The following RPTOR variants were observed in gnomAD, a reference collection of about 807,000 sequenced individuals.
RPTOR encodes regulatory associated protein of MTOR complex 1, also known as regulatory-associated protein of mTOR.
In RPTOR, 21 loss-of-function variants were observed where a neutral mutation model predicts 169.9. The ratio of observed to expected loss-of-function variants is 0.12; its 90% confidence interval spans 0.09 to 0.18. The LOEUF (loss-of-function observed/expected upper bound fraction) is 0.18. Ranked by LOEUF, RPTOR falls within the 10% of genes least tolerant of loss-of-function variation. RPTOR has a pLI of 1.00. For synonymous variants in RPTOR, 732 were observed against 753.2 expected (o/e 0.97, Z 0.46); for missense variants, 1,133 against 1,855.9 (o/e 0.61, Z 7.16).
At position 80,633,530 on chromosome 17, in the gene RPTOR, C is replaced by T. The variant is rs1024244296; in HGVS notation, c.265+7737C>T. Among the ~76,000 whole-genome samples, 12 of 152,238 alleles carry T rather than the reference C, an allele frequency of 7.9e-5. No homozygotes were observed. The highest frequency in any genetic ancestry group is 1.8e-4 in the Non-Finnish European group (12 of 68,050). ...TAATGATTCCGTTTAGGTCATGCTT[C>T]GCTGGCAGGAGCATCACGCAGAGCT... On this transcript the variant is annotated intron_variant, in intron 2 of 33. Coordinates refer to ENST00000306801, the MANE Select transcript of RPTOR (RefSeq NM_020761.3). The surrounding 1 kb of genome is among the most constrained non-coding windows in gnomAD (Gnocchi z 4.1).
Position 80,644,370 on chromosome 17 carries a change from T to A in RPTOR, c.348+560T>A, listed in dbSNP as rs1225111989. Among the ~76,000 whole-genome samples, 15 of 145,160 alleles carry A rather than the reference T, an allele frequency of 1.0e-4. No homozygotes were observed. The Admixed American group carries it at 1.1e-3, about 10-fold the overall frequency. ...TTTTGTTTGTTTGTTTAAAGAAAAG[T>A]GGCTTAGAATATAACTGTGTCAAAT... On this transcript the variant is annotated intron_variant, in intron 3 of 33. Transcript: ENST00000306801.
chr17:80,684,781 A>C (rs1018971112), intron 3 of RPTOR, among the ~76,000 whole-genome samples: 7 of 152,110 alleles, frequency 4.6e-5, no homozygotes, highest in African/African-American at 1.7e-4. Flanking sequence ...ACATGGCAAG[A>C]TAGTATACTA....
intron 6 of RPTOR, among the ~76,000 whole-genome samples, chr17:80,771,505 C>A (rs888022045): frequency 1.3e-5 from 2 of 152,178 alleles, no homozygotes; most frequent in Non-Finnish European, 2.9e-5. Context: ...ACCTCCCAAG[C>A]CTTTCTGCCC....
chr17:80,563,936 A>G (rs946073761), intron 1 of RPTOR, among the ~76,000 whole-genome samples: 10 of 152,202 alleles, frequency 6.6e-5, no homozygotes, highest in Non-Finnish European at 1.5e-4. Flanking sequence ...AGATTCATCC[A>G]TGCTGCTCTA....
intron 27 of RPTOR, 107 bp from the exon 28 acceptor site, chr17:80,949,336 G>A: frequency 1.0e-6 from 1 of 952,394 alleles, no homozygotes; most frequent in Non-Finnish European, 1.7e-6. Flanking sequence ...TGGCCGCCCA[G>A]GGTCACTGCA....
At chr17:80,872,814 C>T (rs908446330) in intron 13 of RPTOR, among the ~76,000 whole-genome samples, 6 of 152,166 alleles carry the variant, frequency 3.9e-5, no homozygotes, top group South Asian at 2.1e-4. Context: ...GGAGGTAGCA[C>T]GGCAGGCTGT....
chr17:80,790,549 T>C (rs560922056), intron 6 of RPTOR, among the ~76,000 whole-genome samples: 44 of 152,070 alleles, frequency 2.9e-4, no homozygotes, highest in Admixed American at 5.9e-4. Context: ...GGGTCCACCA[T>C]CCCCCATAGA....
rs1030038610 is a variant in RPTOR, at chr17:80,965,456, G to A, written c.*1126G>A. 3.4e-5 allele frequency: 8 copies of A among 233,238 alleles called. No homozygotes were observed. The highest frequency in any genetic ancestry group is 2.4e-4 in the East Asian group (4 of 16,602). 14.4% of individuals were successfully genotyped at this position (233,238 alleles called of 1,614,324 possible). ...AGACAGGAGCTGTGTGGACAGTCCC[G>A]CCCAGGAGGGGCCGCAGGGCGTGTA... is the stretch of plus-strand genomic sequence containing the variant. On this transcript the variant is annotated 3_prime_UTR_variant, in exon 34 of 34. Coordinates refer to ENST00000306801, the MANE Select transcript of RPTOR (RefSeq NM_020761.3).
chr17:80,856,493 G>A (rs2067853515), intron 12 of RPTOR, among the ~76,000 whole-genome samples: 1 of 152,164 alleles, frequency 6.6e-6, no homozygotes, highest in African/African-American at 2.4e-5. Flanking sequence ...GACAAAGAGT[G>A]GTAATTGATA....
chr17:80,597,996 G>A (rs12948413), intron 1 of RPTOR, among the ~76,000 whole-genome samples: 3 of 151,918 alleles, frequency 2.0e-5, no homozygotes, highest in African/African-American at 7.3e-5. Context: ...AAAAATATTA[G>A]CTGGGTGTGG....
intron 7 of RPTOR, among the ~76,000 whole-genome samples, chr17:80,795,782 A>G (rs532331909): frequency 6.6e-6 from 1 of 152,064 alleles, no homozygotes; most frequent in South Asian, 2.1e-4. Context: ...TGCAGAATGG[A>G]CACCACTCGG....
intron 5 of RPTOR, among the ~76,000 whole-genome samples, chr17:80,744,916 C>CAGCCCTGGCTACTAGCAG: frequency 6.7e-6 from 1 of 148,772 alleles, no homozygotes; most frequent in South Asian, 2.2e-4. Flanking sequence ...GCTACTAGCA[C>CAGCCCTGGCTACTAGCAG]AGCCCTGGTT....
chr17:80,704,068 G>C (rs2066123624), intron 3 of RPTOR, among the ~76,000 whole-genome samples: 1 of 152,202 alleles, frequency 6.6e-6, no homozygotes, highest in Non-Finnish European at 1.5e-5. Flanking sequence ...TGGGGCTGTT[G>C]CTGCTGCGCT....
chr17:80,942,868 G>A (rs1425884021), intron 25 of RPTOR, among the ~76,000 whole-genome samples: 1 of 152,196 alleles, frequency 6.6e-6, no homozygotes, highest in East Asian at 1.9e-4. Context: ...GGGCTGGGTG[G>A]GGTTTCCCTT....
At position 80,569,414 on chromosome 17, in the gene RPTOR, C is replaced by T. The variant is rs552814179; in HGVS notation, c.162+23623C>T. Among the ~76,000 whole-genome samples, 3 of 152,188 alleles carry T rather than the reference C, an allele frequency of 2.0e-5. No homozygotes were observed. In the South Asian group the frequency reaches 6.2e-4, roughly 32 times the overall value. On this transcript the variant is annotated intron_variant, in intron 1 of 33. Coordinates refer to ENST00000306801, the MANE Select transcript of RPTOR (RefSeq NM_020761.3). ...GTGGCTCACGCTTGTAATCCCAGCA[C>T]TTTGGGAGGCTGAGGCAGGAGAATC... is the stretch of plus-strand genomic sequence containing the variant.
intron 4 of RPTOR, among the ~76,000 whole-genome samples, chr17:80,710,188 T>C (rs760932482): frequency 5.1e-4 from 78 of 152,052 alleles, no homozygotes; most frequent in Admixed American, 1.3e-4. Flanking sequence ...AGAGCCAGGG[T>C]CTTGCCATGT....
chr17:80,564,312 T>A (rs547802335), intron 1 of RPTOR, among the ~76,000 whole-genome samples: 18 of 152,102 alleles, frequency 1.2e-4, no homozygotes, highest in Non-Finnish European at 2.4e-4. Flanking sequence ...TCTGCCCGCC[T>A]CGGCCTCCCA....
At chr17:80,728,999 C>T (rs780966311) in intron 4 of RPTOR, among the ~76,000 whole-genome samples, 1 of 152,186 alleles carries the variant, frequency 6.6e-6, no homozygotes, top group African/African-American at 2.4e-5. Flanking sequence ...GTCCTGCCCA[C>T]GATGATGTAC....
intron 21 of RPTOR, among the ~76,000 whole-genome samples, chr17:80,916,882 G>C (rs1319276351): frequency 1.3e-5 from 2 of 152,078 alleles, no homozygotes; most frequent in African/African-American, 4.8e-5. Flanking sequence ...CAGCTACTCA[G>C]GAAGCTGAGG....
Sources: allele counts gnomAD v4.1 joint callset (sites outside exome capture counted in the v4.1 genomes callset), GRCh38; gene constraint gnomAD v4.1.1; non-coding constraint Gnocchi (gnomAD v3.1); transcripts MANE v1.5; gene names NCBI Gene and HGNC (gene_info 2026-07-23, HGNC 2026-07-21).